The following SMTN variants were observed in gnomAD, a reference collection of about 807,000 sequenced individuals.
SMTN encodes the protein smoothelin.
SMTN carries 58 observed loss-of-function variants against 102.0 expected under a neutral mutation model. The observed-to-expected ratio is 0.57, with a 90% CI of 0.46 to 0.71. The LOEUF (loss-of-function observed/expected upper bound fraction) is 0.71. Among genes scored for constraint, SMTN ranks in the 30% least tolerant of loss-of-function variants. The probability of loss-of-function intolerance (pLI) is 0.00; values close to 1 mark genes in which losing one functional copy is unlikely to be tolerated. For synonymous variants in SMTN, 478 were observed against 497.9 expected (o/e 0.96, Z 0.53); for missense variants, 1,185 against 1,241.7 (o/e 0.95, Z 0.69).
At chr22:31,087,175 G>A (rs56169845) in intron 2 of SMTN, 5,241 of 152,346 alleles carry the variant, frequency 0.034, 100 homozygotes, top group Non-Finnish European at 0.037. Flanking sequence ...GGAGGCAACA[G>A]GATTGGCTGA....
chr22:31,092,415 G>T (rs553046049), intron 11 of SMTN: 23 of 467,612 alleles, frequency 4.9e-5, no homozygotes, highest in Non-Finnish European at 9.4e-5. Flanking sequence ...AGCCTAGCAG[G>T]TGCCTTGGGA....
At chr22:31,087,936 A>C (rs753449101) in intron 2 of SMTN, 29 bp from the exon 3 acceptor site, 2 of 1,552,004 alleles carry the variant, frequency 1.3e-6, no homozygotes, top group East Asian at 4.6e-5. Context: ...CTGGCAGCCA[A>C]AATGACCTGC....
intron 3 of SMTN, 129 bp downstream of exon 3, chr22:31,088,242 C>T: frequency 9.0e-7 from 1 of 1,107,718 alleles, no homozygotes; most frequent in African/African-American, 1.6e-5. Flanking sequence ...TACGTCCACA[C>T]ACGCTTCTGG....
intron 1 of SMTN, chr22:31,065,075 GA>G (rs1394694196): frequency 1.3e-5 from 2 of 151,828 alleles, no homozygotes; most frequent in Non-Finnish European, 1.5e-5. Flanking sequence ...TTGAATGTCT[GA>G]TTTTTTTTTT....
upstream of SMTN, among the ~76,000 whole-genome samples, chr22:31,078,857 G>C (rs746309771): frequency 0.02 from 3,022 of 151,464 alleles, 309 homozygotes; most frequent in East Asian, 0.34. Context: ...CAGCCTGTGG[G>C]ACACAGCAAG....
At chr22:31,102,364 T>G (rs1456876947) in intron 20 of SMTN, 1 of 152,072 alleles carries the variant, frequency 6.6e-6, no homozygotes, top group Non-Finnish European at 1.5e-5. Context: ...TTCCCGCCCA[T>G]TTTGTAGAGA....
intron 1 of SMTN, among the ~76,000 whole-genome samples, chr22:31,071,391 G>A (rs1243797100): frequency 2.0e-5 from 3 of 150,054 alleles, no homozygotes; most frequent in African/African-American, 7.4e-5. Flanking sequence ...CTAGCACTTC[G>A]GGAGGCTGAG....
rs142234684 is a variant in SMTN at position 31,088,049 on chromosome 22, G to C, written c.136G>C (p.Glu46Gln). 2.0e-4 allele frequency: 315 copies of C among 1,612,258 alleles called. No homozygotes were observed. Among genetic ancestry groups the C allele is most frequent in the Non-Finnish European group, 2.4e-4 (278 of 1,178,942 alleles). The part of the protein sequence containing the change: ...ELQRQELERE[E>Q]EALASKRFRA... ...GCAGCGGCAGGAGCTGGAGCGCGAGGAGGAGGCCCTGGCATCCAAGCGTTT... is the reference window on the plus strand; with the variant it reads ...GCAGCGGCAGGAGCTGGAGCGCGAGCAGGAGGCCCTGGCATCCAAGCGTTT... The change falls in exon 3 of 21, where the codon GAG (glutamate) becomes CAG (glutamine). Residue 46 changes from glutamate (E) to glutamine (Q), a missense_variant. Physicochemically the swap from Glu to Gln is conservative, Grantham distance 29. Transcript: ENST00000333137.
chr22:31,070,479 C>T (rs1026576554), intron 1 of SMTN, among the ~76,000 whole-genome samples: 1 of 151,956 alleles, frequency 6.6e-6, no homozygotes, highest in Non-Finnish European at 1.5e-5. Context: ...GTAGTCTGTT[C>T]CCCTTGCCTG....
chr22:31,099,983 G>C, intron 19 of SMTN, 87 bp downstream of exon 19: 6 of 1,351,094 alleles, frequency 4.4e-6, no homozygotes, highest in African/African-American at 1.4e-5. Context: ...AGAACCCCTG[G>C]AGCGGGCCAG....
At chr22:31,104,291 C>G in intron 20 of SMTN, 25 bp from the exon 21 acceptor site, 1 of 1,611,648 alleles carries the variant, frequency 6.2e-7, no homozygotes, top group Non-Finnish European at 8.5e-7. Context: ...GCGCTGACAT[C>G]CAACCCCGTG....
In SMTN at chr22:31,090,942, G is replaced by A. The variant is rs2043083467; in HGVS notation, c.938-19G>A. On this transcript the variant is annotated intron_variant, in intron 9 of 20. Coordinates refer to ENST00000333137, the MANE Select transcript of SMTN (RefSeq NM_134269.3). ...ACCCTGTCCCACCCAGTTGCTGACA[G>A]CCCTCCTGTTCCTTCTAGAGTCCAC... 1 of 1,612,384 alleles carries A rather than the reference G, an allele frequency of 6.2e-7. No individual in the cohort carries two copies. Among genetic ancestry groups the A allele is most frequent in the Admixed American group, 1.7e-5 (1 of 59,938 alleles).
chr22:31,099,275 G>A, intron 18 of SMTN, 96 bp downstream of exon 18: 1 of 767,466 alleles, frequency 1.3e-6, no homozygotes, highest in Non-Finnish European at 2.1e-6. Context: ...TACACTTCCT[G>A]CCACTGTGTG....
At chr22:31,096,552 C>A in intron 13 of SMTN, 181 bp from the exon 14 acceptor site, 1 of 555,912 alleles carries the variant, frequency 1.8e-6, no homozygotes, top group Non-Finnish European at 3.0e-6. Flanking sequence ...ACTCCATTCC[C>A]TGTCAAGTTA....
chr22:31,099,908 C>T lies in SMTN; in HGVS notation c.2603+12C>T. 1 of 1,612,358 alleles carries T rather than the reference C, an allele frequency of 6.2e-7. No homozygotes were observed. Among genetic ancestry groups the T allele is most frequent in the Non-Finnish European group, 8.5e-7 (1 of 1,178,846 alleles). ...TTCTCATCTGCGGAGTAAGTGTGGG[C>T]CCTGGCCCTGCTAATGTTGCTGCAC... On this transcript the variant is annotated intron_variant, in intron 19 of 20. Transcript: ENST00000333137.
At chr22:31,091,549 A>C (rs1262605655) in intron 10 of SMTN, 67 bp downstream of exon 10, 7 of 1,505,282 alleles carry the variant, frequency 4.7e-6, no homozygotes, top group Non-Finnish European at 6.2e-6. Flanking sequence ...CATGCAGGAC[A>C]GGTGCTGCGG....
intron 1 of SMTN, among the ~76,000 whole-genome samples, chr22:31,075,025 G>A (rs73408118): frequency 0.06 from 9,153 of 152,204 alleles, 891 homozygotes; most frequent in African/African-American, 0.21. Flanking sequence ...AAGAGCCTCA[G>A]GCAGGTGATG....
intron 8 of SMTN, 76 bp from the exon 9 acceptor site, chr22:31,090,732 A>T: frequency 1.7e-6 from 2 of 1,172,738 alleles, no homozygotes; most frequent in Non-Finnish European, 2.6e-6. Context: ...GGAGAGGATT[A>T]TGAAAGGTGG....
chr22:31,089,224 T>C (rs1483884075), intron 6 of SMTN, among the ~76,000 whole-genome samples: 2 of 152,190 alleles, frequency 1.3e-5, no homozygotes, highest in Non-Finnish European at 2.9e-5. Flanking sequence ...GGGGCCTGCA[T>C]GTCAGACCCC....
Sources: allele counts gnomAD v4.1 joint callset (sites outside exome capture counted in the v4.1 genomes callset), GRCh38; gene constraint gnomAD v4.1.1; transcripts MANE v1.5; gene names NCBI Gene and HGNC (gene_info 2026-07-23, HGNC 2026-07-21).